NRXN1: variants seen among roughly 807,000 people sequenced by gnomAD.
NRXN1 encodes the protein neurexin-1.
In NRXN1, 39 loss-of-function variants were observed where a neutral mutation model predicts 150.9. The ratio of observed to expected loss-of-function variants is 0.26; its 90% CI spans 0.20 to 0.34. The LOEUF is 0.34. NRXN1 is among the 10% of genes least tolerant of loss of function. The pLI is 1.00. For missense variants in NRXN1, 1,815 were observed against 1,949.9 expected (o/e 0.93, Z 1.30); for synonymous variants, 924 against 757.0 (o/e 1.22, Z -3.62).
At chr2:50,342,945 A>G (rs2152994226) in intron 17 of NRXN1, among the ~76,000 whole-genome samples, 1 of 152,314 alleles carries the variant, frequency 6.6e-6, no homozygotes, top group South Asian at 2.1e-4. Context: ...AAACCTACCT[A>G]TCCTCTTAGA....
intron 5 of NRXN1, among the ~76,000 whole-genome samples, chr2:50,765,926 C>G (rs146710943): frequency 3.9e-5 from 6 of 152,066 alleles, no homozygotes; most frequent in East Asian, 2.0e-4. Flanking sequence ...ACATGAGAAA[C>G]TATAGTGAAA....
At chr2:50,694,157 G>A (rs1352462227) in intron 5 of NRXN1, among the ~76,000 whole-genome samples, 1 of 152,068 alleles carries the variant, frequency 6.6e-6, no homozygotes, top group African/African-American at 2.4e-5. Context: ...ATGTTTAATG[G>A]CATTTTAAAA....
At chr2:49,946,229 GTTGTT>G (rs1672868687) in intron 21 of NRXN1, among the ~76,000 whole-genome samples, 1 of 152,068 alleles carries the variant, frequency 6.6e-6, no homozygotes, top group Admixed American at 6.6e-5. Context: ...TTTTGATGGG[GTTGTT>G]TTGTTTTTTT....
intron 17 of NRXN1, among the ~76,000 whole-genome samples, chr2:50,254,232 G>C (rs540386312): frequency 3.3e-5 from 5 of 151,244 alleles, no homozygotes; most frequent in Non-Finnish European, 5.9e-5. Flanking sequence ...CTGATGGTTG[G>C]TTGTATTTCT....
chr2:50,358,772 A>G (rs1035742463), intron 17 of NRXN1, among the ~76,000 whole-genome samples: 3 of 152,290 alleles, frequency 2.0e-5, no homozygotes, highest in Admixed American at 6.5e-5. Flanking sequence ...CCTGATCCCC[A>G]TGTCTCCTGA....
intron 17 of NRXN1, among the ~76,000 whole-genome samples, chr2:50,241,096 T>G (rs375392608): frequency 6.6e-6 from 1 of 151,642 alleles, no homozygotes; most frequent in Non-Finnish European, 1.5e-5. Flanking sequence ...TCATTATTTA[T>G]GTTCAGTAAT....
chr2:50,957,068 C>G (rs1558488704), intron 2 of NRXN1, among the ~76,000 whole-genome samples: 1 of 152,178 alleles, frequency 6.6e-6, no homozygotes, highest in Admixed American at 6.5e-5. Flanking sequence ...AAAATGTTCT[C>G]TATGCTTGGA....
intron 2 of NRXN1, among the ~76,000 whole-genome samples, chr2:50,981,941 T>G (rs1002405935): frequency 4.6e-5 from 7 of 151,846 alleles, no homozygotes; most frequent in Non-Finnish European, 8.8e-5. Context: ...TCCAGATATC[T>G]TAAAAAGAGA....
intron 19 of NRXN1, among the ~76,000 whole-genome samples, chr2:50,076,602 G>C (rs1697139556): frequency 6.6e-6 from 1 of 152,184 alleles, no homozygotes; most frequent in South Asian, 2.1e-4. Context: ...TCTGGCTTTT[G>C]AATGTTCCCT....
intron 8 of NRXN1, among the ~76,000 whole-genome samples, chr2:50,574,875 G>C (rs943812214): frequency 6.6e-6 from 1 of 152,278 alleles, no homozygotes; most frequent in South Asian, 2.1e-4. Context: ...CTTGTGCTTT[G>C]GCTGCAGAAG....
chr2:49,971,615 C>G (rs977481998), intron 21 of NRXN1, among the ~76,000 whole-genome samples: 4 of 152,090 alleles, frequency 2.6e-5, no homozygotes, highest in Admixed American at 6.6e-5. Context: ...AGTCTACTCT[C>G]CATAATATAA....
intron 2 of NRXN1, among the ~76,000 whole-genome samples, chr2:51,017,605 G>C (rs185501081): frequency 2.5e-5 from 3 of 122,200 alleles, no homozygotes; most frequent in Non-Finnish European, 3.2e-5. Context: ...GACTCTATTT[G>C]TACTCCCAAA....
At chr2:50,195,427 T>C (rs1340289357) in intron 18 of NRXN1, among the ~76,000 whole-genome samples, 1 of 152,206 alleles carries the variant, frequency 6.6e-6, no homozygotes, top group African/African-American at 2.4e-5. Flanking sequence ...GTGCTAAATT[T>C]TAACAGTGAT....
chr2:50,861,596 GT>G (rs1676141775), intron 5 of NRXN1, among the ~76,000 whole-genome samples: 1 of 152,018 alleles, frequency 6.6e-6, no homozygotes, highest in Non-Finnish European at 1.5e-5. Context: ...CCAGAGGAGC[GT>G]TTAGTCCATG....
intron 12 of NRXN1, among the ~76,000 whole-genome samples, chr2:50,515,832 C>A (rs2092615246): frequency 2.0e-5 from 3 of 152,024 alleles, no homozygotes; most frequent in Admixed American, 6.6e-5. Context: ...CAGGAGCTAC[C>A]ACTGCTTGAT....
rs548401115 is a variant in NRXN1, at chr2:50,939,386, TAAATA to T, written c.773-13436_773-13432del. On this transcript the variant is annotated intron_variant, in intron 2 of 22. Coordinates refer to ENST00000401669, the MANE Select transcript of NRXN1 (RefSeq NM_001330078.2). The stretch of plus-strand genomic sequence containing the variant: ...AACAATGAAAACATTTTTAGTAAAT[TAAATA>T]ATTTTGTTTACAATCTAAAAATCAA... Among the ~76,000 whole-genome samples the T allele has an allele frequency of 2.2e-4, 33 of 152,092 alleles. No homozygotes were observed. The East Asian group carries it at 5.6e-3, about 26-fold the overall frequency.
chr2:50,530,908 A>G (rs767375598), intron 11 of NRXN1, among the ~76,000 whole-genome samples: 57 of 152,234 alleles, frequency 3.7e-4, no homozygotes, highest in Non-Finnish European at 7.3e-4. Context: ...GTCAGTGAAT[A>G]TATCAACAGA....
At chr2:49,937,047 A>C (rs1339881894) in intron 22 of NRXN1, among the ~76,000 whole-genome samples, 1 of 152,188 alleles carries the variant, frequency 6.6e-6, no homozygotes. Flanking sequence ...TGATGTGTAA[A>C]TATGGAGGAC....
intron 17 of NRXN1, among the ~76,000 whole-genome samples, chr2:50,404,503 GTTT>G (rs1205388954): frequency 6.6e-6 from 1 of 152,042 alleles, no homozygotes; most frequent in Non-Finnish European, 1.5e-5. Context: ...GACACAAAGA[GTTT>G]TAGGGTTGAA....
Sources: allele counts gnomAD v4.1 joint callset (sites outside exome capture counted in the v4.1 genomes callset), GRCh38; gene constraint gnomAD v4.1.1; transcripts MANE v1.5; gene names NCBI Gene and HGNC (gene_info 2026-07-23, HGNC 2026-07-21).